Variants in CTNNA3 observed in about 807,000 individuals in gnomAD.
CTNNA3 encodes the protein catenin alpha 3, also known as catenin alpha-3.
In CTNNA3, 76 loss-of-function variants were observed where a neutral mutation model predicts 95.7. That is an observed-to-expected ratio of 0.79 (90% CI 0.66 to 0.96). The LOEUF is 0.96. Among genes scored for constraint, CTNNA3 ranks in the 40% least tolerant of loss-of-function variants. CTNNA3 has a pLI of 0.00. For missense variants in CTNNA3, 1,191 were observed against 1,089.8 expected, an observed-to-expected ratio of 1.09 and a Z score of -1.31; for synonymous variants, 431 against 374.4, an observed-to-expected ratio of 1.15 and a Z score of -1.74.
At chr10:67,359,614 C>G (rs1047510329) in intron 5 of CTNNA3, among the ~76,000 whole-genome samples, 1 of 151,994 alleles carries the variant, frequency 6.6e-6, no homozygotes, top group Non-Finnish European at 1.5e-5. Flanking sequence ...ACAGACTAGA[C>G]CAACCTGAGG....
At chr10:66,623,159 A>G (rs1313524342) in intron 9 of CTNNA3, among the ~76,000 whole-genome samples, 2 of 152,162 alleles carry the variant, frequency 1.3e-5, no homozygotes, top group Non-Finnish European at 2.9e-5. Flanking sequence ...ACTAAAAGTG[A>G]AACTTGACAG....
chr10:66,811,180 G>A (rs1325704355), intron 7 of CTNNA3, among the ~76,000 whole-genome samples: 1 of 152,136 alleles, frequency 6.6e-6, no homozygotes, highest in African/African-American at 2.4e-5. Flanking sequence ...AAGAAACAGT[G>A]AAAAATTAGA....
At position 66,659,693 on chromosome 10, in the gene CTNNA3, C is replaced by T. The variant is rs899282154; in HGVS notation, c.1282-37909G>A. ...GATTAGTGGCTTTAAGAAAGAGGTC[C>T]CAAGGGAGCATGTTTATCTCTTCTG... On this transcript the variant is annotated intron_variant, in intron 9 of 17. Transcript: ENST00000433211. Among the ~76,000 whole-genome samples, 4 of 152,056 alleles carry T rather than the reference C, an allele frequency of 2.6e-5. No homozygotes were observed. The East Asian group carries it at 7.8e-4, about 30-fold the overall frequency.
At chr10:66,932,147 A>AG (rs1847437376) in intron 7 of CTNNA3, among the ~76,000 whole-genome samples, 1 of 152,072 alleles carries the variant, frequency 6.6e-6, no homozygotes, top group Non-Finnish European at 1.5e-5. Context: ...TGGTTCTATT[A>AG]GGCTCTCTGA....
rs114290433 is a variant in CTNNA3, at chr10:67,199,695, C to T, written c.844-19175G>A. Among the ~76,000 whole-genome samples the T allele has an allele frequency of 5.0e-3, 766 of 152,150 alleles. 6 individuals carry two copies. Among genetic ancestry groups the T allele is most frequent in the African/African-American group, 0.017 (712 of 41,476 alleles). On this transcript the variant is annotated intron_variant, in intron 6 of 17. Transcript: ENST00000433211. ...TAAAGTGCAGGTGTTCAGCATGTCC[C>T]TTCCTGAACTTTACAATATTCACAT...
chr10:66,290,009 C>T (rs1238274117), intron 12 of CTNNA3, among the ~76,000 whole-genome samples: 9 of 151,870 alleles, frequency 5.9e-5, no homozygotes, highest in Admixed American at 5.9e-4. Context: ...TGGTTACAAG[C>T]AGAAATTCAT....
intron 10 of CTNNA3, among the ~76,000 whole-genome samples, chr10:66,525,278 A>T (rs188406357): frequency 8.5e-5 from 13 of 152,182 alleles, no homozygotes; most frequent in Admixed American, 6.5e-4. Flanking sequence ...GGCCACAGAA[A>T]TGCTAATAAC....
chr10:66,546,618 A>G (rs1242045365), intron 10 of CTNNA3, among the ~76,000 whole-genome samples: 2 of 152,184 alleles, frequency 1.3e-5, no homozygotes, highest in Non-Finnish European at 2.9e-5. Flanking sequence ...TTCACAAGGC[A>G]TCAGGCGGTA....
intron 1 of CTNNA3, among the ~76,000 whole-genome samples, chr10:67,680,126 C>G (rs951542288): frequency 2.6e-5 from 4 of 152,116 alleles, no homozygotes; most frequent in African/African-American, 7.2e-5. Context: ...TAACAACCAG[C>G]ATGGCTCAGG....
chr10:66,680,952 T>C (rs1394871024), intron 9 of CTNNA3, among the ~76,000 whole-genome samples: 1 of 152,190 alleles, frequency 6.6e-6, no homozygotes, highest in Admixed American at 6.5e-5. Context: ...ATCTCTACTC[T>C]TGGCAAATAC....
chr10:67,196,079 T>C (rs1054117258), intron 6 of CTNNA3, among the ~76,000 whole-genome samples: 3 of 152,082 alleles, frequency 2.0e-5, no homozygotes, highest in Non-Finnish European at 2.9e-5. Context: ...AACTATATTA[T>C]CAATCTTCAG....
chr10:67,362,408 CA>C (rs1237344137), intron 5 of CTNNA3, among the ~76,000 whole-genome samples: 1 of 152,082 alleles, frequency 6.6e-6, no homozygotes, highest in Non-Finnish European at 1.5e-5. Flanking sequence ...AGCAGCACAT[CA>C]AAAAGTTATT....
chr10:67,569,867 A>G (rs768277759), intron 3 of CTNNA3, among the ~76,000 whole-genome samples: 8 of 152,100 alleles, frequency 5.3e-5, no homozygotes, highest in Non-Finnish European at 1.0e-4. Flanking sequence ...CATTATCTGG[A>G]TCTTAGCTCA....
chr10:65,966,804 G>T, intron 16 of CTNNA3, 58 bp from the exon 17 acceptor site: 1 of 1,401,280 alleles, frequency 7.1e-7, no homozygotes, highest in Non-Finnish European at 9.9e-7. Context: ...GTTAGATCAA[G>T]GTGAGTAAAT....
chr10:67,665,837 AT>A (rs2133539293), intron 1 of CTNNA3, among the ~76,000 whole-genome samples: 1 of 152,332 alleles, frequency 6.6e-6, no homozygotes, highest in East Asian at 1.9e-4. Context: ...ATAATAATAC[AT>A]TACCCACTAT....
At chr10:67,471,777 T>C (rs895143277) in intron 5 of CTNNA3, among the ~76,000 whole-genome samples, 2 of 152,210 alleles carry the variant, frequency 1.3e-5, no homozygotes, top group Non-Finnish European at 2.9e-5. Flanking sequence ...CTTTTGTCTC[T>C]GTGAAAAGGA....
chr10:66,828,326 G>T (rs1172219209), intron 7 of CTNNA3, among the ~76,000 whole-genome samples: 1 of 152,176 alleles, frequency 6.6e-6, no homozygotes, highest in Non-Finnish European at 1.5e-5. Flanking sequence ...AACCAAACTA[G>T]TTTTTTCTGT....
At chr10:67,097,898 CAAAATCCCCTGTTCAAATA>C in intron 7 of CTNNA3, 1 of 976,750 alleles carries the variant, frequency 1.0e-6, no homozygotes, top group South Asian at 1.5e-5. Context: ...AAACAAAACA[CAAAATCCCCTGTTCAAATA>C]AACAAAAAAT....
intron 13 of CTNNA3, among the ~76,000 whole-genome samples, chr10:66,145,444 A>G (rs891854845): frequency 1.3e-5 from 2 of 152,178 alleles, no homozygotes; most frequent in African/African-American, 4.8e-5. Flanking sequence ...TAGTTGCTTT[A>G]AATATATCAT....
Sources: gnomAD v4.1 joint callset for allele counts (sites outside exome capture counted in the v4.1 genomes callset) on GRCh38, gnomAD v4.1.1 for gene constraint, MANE v1.5 for transcripts, NCBI Gene and HGNC (gene_info 2026-07-23, HGNC 2026-07-21) for gene names.